The following CHRM3 variants were observed in gnomAD, a reference collection of about 807,000 sequenced individuals.
The protein encoded by CHRM3 is cholinergic receptor muscarinic 3, also known as muscarinic acetylcholine receptor M3.
In CHRM3, 11 loss-of-function variants were observed where a neutral mutation model predicts 41.8. The ratio of observed to expected loss-of-function variants is 0.26; its 90% confidence interval spans 0.17 to 0.44. The LOEUF is 0.44. Ranked by LOEUF, CHRM3 falls within the 20% of genes least tolerant of loss-of-function variation. CHRM3 has a pLI of 1.00. For missense variants in CHRM3, 571 were observed against 745.4 expected (o/e 0.77, Z 2.72); for synonymous variants, 297 against 301.4 (o/e 0.99, Z 0.15).
chr1:239,407,427 G>T (rs1444177647), intron 1 of CHRM3, among the ~76,000 whole-genome samples: 97 of 114,836 alleles, frequency 8.4e-4, no homozygotes, highest in South Asian at 1.1e-3. Flanking sequence ...TAGAGAGAGA[G>T]AGAGAGAGAG....
Position 239,403,179 on chromosome 1 carries a change from T to C in CHRM3, c.-521+15952T>C, listed in dbSNP as rs147273586. Among the ~76,000 whole-genome samples, 914 of 152,324 alleles carry C rather than the reference T, an allele frequency of 6.0e-3. 35 individuals are homozygous for C. The highest frequency in any genetic ancestry group is 0.057 in the Admixed American group (873 of 15,302). ...CTTCTCATCAGAAGCCACCAATTAT[T>C]TATTTCTCCATACGCCTCGTAGACT... On this transcript the variant is annotated intron_variant, in intron 1 of 6. Coordinates refer to ENST00000676153, the MANE Select transcript of CHRM3 (RefSeq NM_001375978.1).
At chr1:239,858,671 C>T (rs1675324042) in intron 6 of CHRM3, among the ~76,000 whole-genome samples, 1 of 152,024 alleles carries the variant, frequency 6.6e-6, no homozygotes, top group African/African-American at 2.4e-5. Flanking sequence ...TTAATTCATT[C>T]AGTGTTGGTA....
rs563358696 is a variant in CHRM3, at chr1:239,505,927, G to A, written c.-422+13120G>A. Among the ~76,000 whole-genome samples the A allele has an allele frequency of 2.9e-4, 44 of 152,286 alleles. 1 individual carries two copies. In the South Asian group the frequency reaches 8.5e-3, roughly 29 times the overall value. On this transcript the variant is annotated intron_variant, in intron 2 of 6. Coordinates refer to ENST00000676153, the MANE Select transcript of CHRM3 (RefSeq NM_001375978.1). Reference sequence around the variant, plus strand: ...CTAGAGCAAAGGTGACTCTTGTTATGTTTTGGCAAAGAGATTGGTGGCATT... The same window carrying A: ...CTAGAGCAAAGGTGACTCTTGTTATATTTTGGCAAAGAGATTGGTGGCATT...
intron 1 of CHRM3, among the ~76,000 whole-genome samples, chr1:239,476,535 T>C (rs1666484908): frequency 6.6e-6 from 1 of 151,978 alleles, no homozygotes; most frequent in Non-Finnish European, 1.5e-5. Flanking sequence ...AATGACTTGA[T>C]TATGTTCACA....
At position 239,666,874 on chromosome 1, in the gene CHRM3, A is replaced by T. The variant is rs999033799; in HGVS notation, c.-249-11312A>T. 3.9e-5 allele frequency among the ~76,000 whole-genome samples: 6 copies of T among 152,206 alleles called. No individual in the cohort carries two copies. The South Asian group carries it at 1.0e-3, about 26-fold the overall frequency. On this transcript the variant is annotated intron_variant, in intron 4 of 6. Coordinates refer to ENST00000676153, the MANE Select transcript of CHRM3 (RefSeq NM_001375978.1). The stretch of plus-strand genomic sequence containing the variant: ...GTTTACTGTTGTCATCTTTATGTCC[A>T]TGAGTACACAATGTTTAGCTCCCAC...
At chr1:239,820,512 A>T (rs975345070) in intron 5 of CHRM3, among the ~76,000 whole-genome samples, 1 of 152,220 alleles carries the variant, frequency 6.6e-6, no homozygotes, top group Admixed American at 6.5e-5. Flanking sequence ...CTTCTATGAT[A>T]GGTCCGGATT....
intron 2 of CHRM3, among the ~76,000 whole-genome samples, chr1:239,515,129 T>A (rs1669171881): frequency 6.6e-6 from 1 of 152,120 alleles, no homozygotes; most frequent in Non-Finnish European, 1.5e-5. Flanking sequence ...TTCTCACAGA[T>A]CATATTTTTA....
At chr1:239,442,503 C>T (rs1003089938) in intron 1 of CHRM3, among the ~76,000 whole-genome samples, 3 of 151,370 alleles carry the variant, frequency 2.0e-5, no homozygotes, top group African/African-American at 7.3e-5. Flanking sequence ...AAGATGTGAA[C>T]TGTCTCTGGA....
At chr1:239,849,495 C>T (rs1340271449) in intron 6 of CHRM3, among the ~76,000 whole-genome samples, 3 of 152,156 alleles carry the variant, frequency 2.0e-5, no homozygotes, top group African/African-American at 7.2e-5. Context: ...AGACACAAGA[C>T]AATAACATTC....
At chr1:239,702,889 GTA>G (rs1287616916) in intron 5 of CHRM3, among the ~76,000 whole-genome samples, 1 of 152,186 alleles carries the variant, frequency 6.6e-6, no homozygotes, top group East Asian at 1.9e-4. Flanking sequence ...CTGATTCATA[GTA>G]TATTTATTTT....
intron 3 of CHRM3, among the ~76,000 whole-genome samples, chr1:239,615,944 C>G (rs1316723366): frequency 6.6e-6 from 1 of 152,198 alleles, no homozygotes; most frequent in East Asian, 1.9e-4. Flanking sequence ...CAGCGCCTTC[C>G]TTCTACTTCT....
At chr1:239,723,588 A>G (rs1168785132) in intron 5 of CHRM3, among the ~76,000 whole-genome samples, 2 of 151,946 alleles carry the variant, frequency 1.3e-5, no homozygotes, top group Admixed American at 6.6e-5. Flanking sequence ...TTGCTGCCAT[A>G]TATCGAAAAA....
At chr1:239,562,424 T>C (rs926799961) in intron 3 of CHRM3, among the ~76,000 whole-genome samples, 21 of 152,144 alleles carry the variant, frequency 1.4e-4, no homozygotes, top group African/African-American at 4.1e-4. Flanking sequence ...AACTCGTGGC[T>C]GGTGGATGCC....
At chr1:239,452,539 A>G (rs1263579580) in intron 1 of CHRM3, among the ~76,000 whole-genome samples, 1 of 152,202 alleles carries the variant, frequency 6.6e-6, no homozygotes, top group Admixed American at 6.5e-5. Context: ...ACTGTAACCA[A>G]TAGATTTCAC....
At chr1:239,745,412 G>A (rs1275461960) in intron 5 of CHRM3, among the ~76,000 whole-genome samples, 1 of 151,846 alleles carries the variant, frequency 6.6e-6, no homozygotes, top group Non-Finnish European at 1.5e-5. Context: ...CAAAAGCTAT[G>A]GAAAGGTTGT....
intron 3 of CHRM3, among the ~76,000 whole-genome samples, chr1:239,574,959 T>C (rs1427057201): frequency 1.3e-5 from 2 of 152,186 alleles, no homozygotes; most frequent in Non-Finnish European, 2.9e-5. Flanking sequence ...TCTTAATCAA[T>C]GATTTGGCTC....
At chr1:239,743,771 C>CTTTTTTT (rs1665075080) in intron 5 of CHRM3, among the ~76,000 whole-genome samples, 1 of 128,848 alleles carries the variant, frequency 7.8e-6, no homozygotes, top group African/African-American at 2.9e-5. Flanking sequence ...TTTTCTTTTT[C>CTTTTTTT]TTTTTCTTTT....
intron 2 of CHRM3, among the ~76,000 whole-genome samples, chr1:239,495,281 T>G (rs1173319899): frequency 6.6e-6 from 1 of 152,164 alleles, no homozygotes; most frequent in Non-Finnish European, 1.5e-5. Context: ...TTGAAATCCA[T>G]GTAGGCATTT....
intron 5 of CHRM3, among the ~76,000 whole-genome samples, chr1:239,743,689 C>A (rs1015044231): frequency 6.6e-6 from 1 of 152,030 alleles, no homozygotes; most frequent in African/African-American, 2.4e-5. Context: ...AACCATCAAC[C>A]ACTAGGTTTC....
Sources: gnomAD v4.1 joint callset for allele counts (sites outside exome capture counted in the v4.1 genomes callset) on GRCh38, gnomAD v4.1.1 for gene constraint, MANE v1.5 for transcripts, NCBI Gene and HGNC (gene_info 2026-07-23, HGNC 2026-07-21) for gene names.